CCDC191: variants seen among roughly 807,000 people sequenced by gnomAD.
The protein encoded by CCDC191 is coiled-coil domain-containing protein 191.
Under a neutral mutation model 114.0 loss-of-function variants are expected in CCDC191, and 99 were observed. That is an observed-to-expected ratio of 0.87 (90% CI 0.74 to 1.03). The LOEUF is 1.03. CCDC191 is among the 50% of genes least tolerant of loss of function. The pLI is 0.00. For synonymous variants in CCDC191, 351 were observed against 376.0 expected, an observed-to-expected ratio of 0.93 and a Z score of 0.77; for missense variants, 973 against 1,087.0, an observed-to-expected ratio of 0.90 and a Z score of 1.47.
chr3:113,979,003 T>G lies in CCDC191; in HGVS notation c.2315A>C (p.Glu772Ala). Residue 772 changes from glutamate to alanine, a missense_variant, in exon 15 of 17, where the codon GAA (glutamate) becomes GCA (alanine). By Grantham distance (107) the Glu-to-Ala change is moderately radical. Transcript: ENST00000295878. ...CTGCAGGAACAAAGAGTAATGTTCT[T>G]CTGCCACCTGGACAATTTTTTAAAT... Reference protein sequence around the residue: ...MQSKQNIQVAEEHYSLFLQRK... With the variant: ...MQSKQNIQVAAEHYSLFLQRK... 1 of 1,613,452 alleles carries G rather than the reference T, an allele frequency of 6.2e-7. No individual in the cohort carries two copies. Among genetic ancestry groups the G allele is most frequent in the South Asian group, 1.1e-5 (1 of 91,008 alleles).
chr3:114,026,528 A>G (rs904236623), intron 7 of CCDC191, among the ~76,000 whole-genome samples: 4 of 152,222 alleles, frequency 2.6e-5, no homozygotes, highest in Non-Finnish European at 4.4e-5. Context: ...CCCTAACATA[A>G]GAAAACATTG....
intron 8 of CCDC191, among the ~76,000 whole-genome samples, chr3:114,017,571 G>A (rs115273563): frequency 6.6e-6 from 1 of 152,148 alleles, no homozygotes; most frequent in East Asian, 1.9e-4. Context: ...TAACAATACT[G>A]ACATTTATCA....
intron 2 of CCDC191, among the ~76,000 whole-genome samples, chr3:114,048,844 A>G (rs1332968356): frequency 2.0e-5 from 3 of 152,260 alleles, no homozygotes; most frequent in Non-Finnish European, 2.9e-5. Flanking sequence ...CACCAAGAAC[A>G]GTGCTTGGCA....
intron 9 of CCDC191, among the ~76,000 whole-genome samples, chr3:114,006,602 A>G (rs1559903129): frequency 7.5e-6 from 1 of 133,502 alleles, no homozygotes; most frequent in African/African-American, 3.0e-5. Context: ...ATATATATAT[A>G]TATATATATA....
chr3:113,980,503 G>A (rs750012262), intron 14 of CCDC191, 147 bp downstream of exon 14: 1 of 730,398 alleles, frequency 1.4e-6, no homozygotes, highest in Non-Finnish European at 2.1e-6. Flanking sequence ...ATCAAAAATT[G>A]TATCCAAAAC....
intron 13 of CCDC191, among the ~76,000 whole-genome samples, chr3:114,001,341 C>A (rs1403725123): frequency 1.3e-5 from 2 of 152,100 alleles, no homozygotes; most frequent in African/African-American, 4.8e-5. Context: ...TGAGAGTCCA[C>A]AAAGGGGGAC....
chr3:114,005,992 C>T (rs2075952236), intron 9 of CCDC191, 30 bp from the exon 10 acceptor site: 2 of 1,570,576 alleles, frequency 1.3e-6, no homozygotes, highest in Admixed American at 1.7e-5. Flanking sequence ...TATAGCTCAA[C>T]TATTTAAAGG....
At chr3:113,997,832 G>C (rs1046567623) in intron 13 of CCDC191, among the ~76,000 whole-genome samples, 28 of 152,068 alleles carry the variant, frequency 1.8e-4, no homozygotes, top group Admixed American at 1.6e-3. Flanking sequence ...GTGATACTGT[G>C]GTTATTCTAA....
chr3:114,039,669 G>C (rs2076534670), intron 4 of CCDC191, among the ~76,000 whole-genome samples: 1 of 151,974 alleles, frequency 6.6e-6, no homozygotes, highest in Non-Finnish European at 1.5e-5. Context: ...TGATGATCCT[G>C]GTTCTGTATA....
intron 16 of CCDC191, 110 bp from the exon 17 acceptor site, chr3:113,965,469 A>G (rs2107538663): frequency 3.5e-6 from 2 of 571,192 alleles, no homozygotes; most frequent in South Asian, 6.1e-5. Context: ...AAAATGCTGT[A>G]TAAAAGGTGT....
intron 16 of CCDC191, among the ~76,000 whole-genome samples, chr3:113,973,147 CT>C (rs1484628409): frequency 6.6e-6 from 1 of 152,102 alleles, no homozygotes; most frequent in African/African-American, 2.4e-5. Context: ...ACTGTTTTCC[CT>C]TGTGGCAAAA....
intron 16 of CCDC191, among the ~76,000 whole-genome samples, chr3:113,967,344 G>C (rs1940302190): frequency 6.7e-6 from 1 of 150,290 alleles, no homozygotes. Flanking sequence ...CTCCCCTTTG[G>C]GTGAAATCTT....
At chr3:114,020,308 C>T (rs1008853001) in intron 7 of CCDC191, among the ~76,000 whole-genome samples, 3 of 152,020 alleles carry the variant, frequency 2.0e-5, no homozygotes, top group African/African-American at 7.2e-5. Context: ...AGAGCATCTA[C>T]TAGAATTCTT....
chr3:114,004,709 C>T lies in CCDC191; in HGVS notation c.1906G>A (p.Asp636Asn), dbSNP rs772731461. The change falls in exon 11 of 17, where the codon GAC (aspartate) becomes AAC (asparagine). Residue 636 changes from aspartate to asparagine, a missense_variant. Coordinates refer to ENST00000295878, the MANE Select transcript of CCDC191 (RefSeq NM_020817.2). ...AGTCCAGAAAGAGAATTTCGGGAGT[C>T]ACTTCTGCCTTCAGTCCCAGGGGAA... Reference protein sequence around the residue: ...VASPGTEGRSDSRNSLSGLRR... With the variant: ...VASPGTEGRSNSRNSLSGLRR... 3.7e-6 allele frequency: 6 copies of T among 1,612,074 alleles called. No individual in the cohort carries two copies. The highest frequency in any genetic ancestry group is 5.1e-6 in the Non-Finnish European group (6 of 1,179,270).
At chr3:114,048,420 C>T (rs184100301) in intron 2 of CCDC191, among the ~76,000 whole-genome samples, 9 of 152,304 alleles carry the variant, frequency 5.9e-5, no homozygotes, top group Admixed American at 4.6e-4. Flanking sequence ...CTTCCAGGTC[C>T]TGCCACGCAG....
intron 4 of CCDC191, chr3:114,037,123 G>C (rs56407320): frequency 6.4e-6 from 1 of 156,464 alleles, no homozygotes; most frequent in Admixed American, 6.5e-5. Flanking sequence ...AAGAAAGAAA[G>C]AAAAAAGCTT....
intron 7 of CCDC191, among the ~76,000 whole-genome samples, chr3:114,024,154 C>T (rs1273700713): frequency 6.6e-6 from 1 of 152,162 alleles, no homozygotes; most frequent in Admixed American, 6.5e-5. Flanking sequence ...AATGAAGTAC[C>T]ATCTCACACC....
At chr3:113,965,954 G>A (rs1232358312) in intron 16 of CCDC191, among the ~76,000 whole-genome samples, 2 of 151,920 alleles carry the variant, frequency 1.3e-5, no homozygotes, top group African/African-American at 4.8e-5. Context: ...TTTGAGCAGA[G>A]CACCAAATGG....
At chr3:114,024,547 GTAGGGAC>G (rs1431640962) in intron 7 of CCDC191, among the ~76,000 whole-genome samples, 14 of 152,200 alleles carry the variant, frequency 9.2e-5, no homozygotes, top group Non-Finnish European at 1.8e-4. Context: ...CATGTCCTTT[GTAGGGAC>G]ACAGATGAAG....
Sources: gnomAD v4.1 joint callset for allele counts (sites outside exome capture counted in the v4.1 genomes callset) on GRCh38, gnomAD v4.1.1 for gene constraint, MANE v1.5 for transcripts, NCBI Gene and HGNC (gene_info 2026-07-23, HGNC 2026-07-21) for gene names.